The following PDE7B variants were observed in gnomAD, a reference collection of about 807,000 sequenced individuals.
PDE7B encodes the protein phosphodiesterase 7B, also known as 3',5'-cyclic-AMP phosphodiesterase 7B.
Under a neutral mutation model 56.2 loss-of-function variants are expected in PDE7B, and 29 were observed. That is an observed-to-expected ratio of 0.52 (90% confidence interval 0.38 to 0.70). The LOEUF (loss-of-function observed/expected upper bound fraction) is 0.70. PDE7B is among the 30% of genes least tolerant of loss of function. The pLI, the probability that PDE7B is intolerant of heterozygous loss-of-function variation, is 0.00. For synonymous variants in PDE7B, 197 were observed against 196.9 expected (o/e 1.00, Z 0.00); for missense variants, 490 against 565.0 (o/e 0.87, Z 1.35).
intron 1 of PDE7B, among the ~76,000 whole-genome samples, chr6:135,855,758 G>A (rs371104026): frequency 3.1e-4 from 47 of 152,236 alleles, no homozygotes; most frequent in African/African-American, 1.0e-3. Flanking sequence ...AGCACTATGG[G>A]CAGCCAAGGT....
chr6:136,029,307 T>C (rs1462945558), intron 2 of PDE7B, among the ~76,000 whole-genome samples: 1 of 152,164 alleles, frequency 6.6e-6, no homozygotes, highest in African/African-American at 2.4e-5. Context: ...AAAAAAAAAG[T>C]AATAACAGCA....
intron 2 of PDE7B, among the ~76,000 whole-genome samples, chr6:136,021,461 A>G (rs941188542): frequency 2.0e-5 from 3 of 152,080 alleles, no homozygotes; most frequent in Admixed American, 6.6e-5. Context: ...CCTGGCCAAC[A>G]TGATGAGACC....
At chr6:136,190,011 A>G (rs1031539146) in intron 12 of PDE7B, among the ~76,000 whole-genome samples, 2 of 152,216 alleles carry the variant, frequency 1.3e-5, no homozygotes, top group Non-Finnish European at 2.9e-5. Flanking sequence ...GTTGGATTTT[A>G]AAATGTTGGA....
chr6:136,143,080 G>A (rs1017304321), intron 3 of PDE7B, among the ~76,000 whole-genome samples: 1 of 152,114 alleles, frequency 6.6e-6, no homozygotes, highest in Non-Finnish European at 1.5e-5. Flanking sequence ...TTTTTGCAGT[G>A]GCTGGTACTG....
intron 2 of PDE7B, among the ~76,000 whole-genome samples, chr6:136,010,903 C>G (rs149936950): frequency 6.6e-6 from 1 of 152,034 alleles, no homozygotes; most frequent in Non-Finnish European, 1.5e-5. Flanking sequence ...AAGGCTGCAC[C>G]GGGTGCTCCC....
chr6:135,934,944 A>G (rs1431097942), intron 1 of PDE7B, among the ~76,000 whole-genome samples: 7 of 50,926 alleles, frequency 1.4e-4, no homozygotes, highest in African/African-American at 4.1e-4. Context: ...AATATATAAT[A>G]TATATTTATA....
At chr6:135,953,164 TG>T (rs1384117248) in intron 2 of PDE7B, among the ~76,000 whole-genome samples, 1 of 152,062 alleles carries the variant, frequency 6.6e-6, no homozygotes, top group African/African-American at 2.4e-5. Context: ...TAGAGAAAAA[TG>T]TTTTTTTCAC....
In PDE7B at chr6:135,926,153, C is replaced by T. The variant is rs190423159; in HGVS notation, c.22-21311C>T. 4.5e-3 allele frequency among the ~76,000 whole-genome samples: 620 copies of T among 138,284 alleles called. 9 individuals are homozygous for T. Among genetic ancestry groups the T allele is most frequent in the African/African-American group, 0.016 (602 of 38,176 alleles). 90.7% of individuals were successfully genotyped at this position (138,284 alleles called of 152,430 possible). A position where few individuals can be genotyped will look rare whatever the true frequency, so the allele number is the denominator to read the frequency against. On this transcript the variant is annotated intron_variant, in intron 1 of 12. Transcript: ENST00000308191. The stretch of plus-strand genomic sequence containing the variant: ...CCAGGCTGCAGTGCAGTGGCGCAAT[C>T]TCGGCTCACTGCAAGCTCCGCCTCC...
chr6:135,996,583 A>G (rs550648445), intron 2 of PDE7B, among the ~76,000 whole-genome samples: 2 of 152,376 alleles, frequency 1.3e-5, no homozygotes, highest in East Asian at 3.9e-4. Context: ...TTTTTCTCAC[A>G]TTAACCCATT....
intron 1 of PDE7B, among the ~76,000 whole-genome samples, chr6:135,877,737 G>GAAAAC (rs1023315079): frequency 3.8e-4 from 50 of 130,072 alleles, no homozygotes; most frequent in Non-Finnish European, 3.3e-5. Flanking sequence ...AGACCTCCAG[G>GAAAAC]AAAACAAAAC....
intron 11 of PDE7B, among the ~76,000 whole-genome samples, chr6:136,185,561 C>T (rs1224336390): frequency 1.3e-5 from 2 of 151,666 alleles, no homozygotes; most frequent in Non-Finnish European, 2.9e-5. Context: ...TTGAGACCAG[C>T]CTAGGCAACG....
intron 3 of PDE7B, among the ~76,000 whole-genome samples, chr6:136,122,774 GC>G (rs1777958418): frequency 6.6e-6 from 1 of 152,158 alleles, no homozygotes; most frequent in Non-Finnish European, 1.5e-5. Context: ...GGCAACAGAA[GC>G]ACTAAGGAAG....
intron 1 of PDE7B, among the ~76,000 whole-genome samples, chr6:135,859,240 AAAAAAGTT>A (rs1775097721): frequency 6.6e-6 from 1 of 152,130 alleles, no homozygotes; most frequent in South Asian, 2.1e-4. Flanking sequence ...TAAATCTAAG[AAAAAAGTT>A]ATTTTCTATG....
chr6:136,187,940 C>G (rs1420387221), intron 12 of PDE7B, among the ~76,000 whole-genome samples: 1 of 152,164 alleles, frequency 6.6e-6, no homozygotes, highest in Admixed American at 6.5e-5. Context: ...AAACTCTGAC[C>G]CTGACATGTA....
At chr6:136,090,126 G>A (rs558544286) in intron 2 of PDE7B, among the ~76,000 whole-genome samples, 1 of 152,170 alleles carries the variant, frequency 6.6e-6, no homozygotes, top group East Asian at 1.9e-4. Flanking sequence ...ACTCACAAGC[G>A]ACTGTTCTTT....
At position 136,027,753 on chromosome 6, in the gene PDE7B, A is replaced by G. The variant is rs137993525; in HGVS notation, c.82+80229A>G. Among the ~76,000 whole-genome samples, 1,233 of 151,892 alleles carry G rather than the reference A, an allele frequency of 8.1e-3. 23 individuals carry two copies. Among genetic ancestry groups the G allele is most frequent in the African/African-American group, 0.028 (1,173 of 41,400 alleles). ...TCTCCTGCCTCAGCCTCCTGAGTAG[A>G]TGGGACTGCAGGCACGCACCACCAT... On this transcript the variant is annotated intron_variant, in intron 2 of 12. Transcript: ENST00000308191.
At chr6:136,071,463 AACAC>A (rs926391473) in intron 2 of PDE7B, among the ~76,000 whole-genome samples, 2 of 152,190 alleles carry the variant, frequency 1.3e-5, no homozygotes, top group Admixed American at 6.5e-5. Context: ...GTAAACTGGA[AACAC>A]ACACACACGT....
At position 135,906,810 on chromosome 6, in the gene PDE7B, G is replaced by GTTTTTTTTTTTTTT. The variant is rs869049424; in HGVS notation, c.22-40641_22-40628dup. Among the ~76,000 whole-genome samples, 7 of 59,542 alleles carry GTTTTTTTTTTTTTT rather than the reference G, an allele frequency of 1.2e-4. 2 individuals are homozygous for GTTTTTTTTTTTTTT. In the East Asian group the frequency reaches 3.2e-3, roughly 27 times the overall value. 39.1% of individuals were successfully genotyped at this position (59,542 alleles called of 152,430 possible). A position where few individuals can be genotyped will look rare whatever the true frequency, so the allele number is the denominator to read the frequency against. ...TTTGACTCAAATGTTAATGAGGTTT[G>GTTTTTTTTTTTTTT]TTTTTTTTTTTTTTTTTTTTTTTTT... On this transcript the variant is annotated intron_variant, in intron 1 of 12. Transcript: ENST00000308191.
At chr6:136,090,066 G>GT (rs1405575535) in intron 2 of PDE7B, among the ~76,000 whole-genome samples, 6 of 151,908 alleles carry the variant, frequency 3.9e-5, no homozygotes, top group Admixed American at 1.3e-4. Context: ...ATTGTTGTGG[G>GT]TTTTTTTTCA....
Sources: gnomAD v4.1 joint callset for allele counts (sites outside exome capture counted in the v4.1 genomes callset) on GRCh38, gnomAD v4.1.1 for gene constraint, MANE v1.5 for transcripts, NCBI Gene and HGNC (gene_info 2026-07-23, HGNC 2026-07-21) for gene names.